The following ITFG1 variants were observed in gnomAD, a reference collection of about 807,000 sequenced individuals.
The protein encoded by ITFG1 is T-cell immunomodulatory protein.
Under a neutral mutation model 81.8 loss-of-function variants are expected in ITFG1, and 34 were observed. That is an observed-to-expected ratio of 0.42 (90% confidence interval 0.32 to 0.55). The LOEUF (loss-of-function observed/expected upper bound fraction) is 0.55. Ranked by LOEUF, ITFG1 falls within the 20% of genes least tolerant of loss-of-function variation. ITFG1 has a pLI of 0.17. For missense variants in ITFG1, 672 were observed against 755.4 expected (o/e 0.89, Z 1.29); for synonymous variants, 285 against 270.6 (o/e 1.05, Z -0.52).
At chr16:47,361,666 G>A (rs1968110839) in intron 8 of ITFG1, among the ~76,000 whole-genome samples, 1 of 152,126 alleles carries the variant, frequency 6.6e-6, no homozygotes, top group South Asian at 2.1e-4. Context: ...GTAGCAGCAA[G>A]TATTTATTGG....
At chr16:47,208,422 C>CAG (rs1253694264) in intron 14 of ITFG1, among the ~76,000 whole-genome samples, 1 of 152,142 alleles carries the variant, frequency 6.6e-6, no homozygotes, top group Admixed American at 6.5e-5. Context: ...TATTTATTCC[C>CAG]AGAGTCTTTA....
intron 12 of ITFG1, among the ~76,000 whole-genome samples, chr16:47,242,895 G>A (rs1045380636): frequency 6.6e-5 from 10 of 152,210 alleles, no homozygotes; most frequent in South Asian, 2.1e-4. Flanking sequence ...TTTGGATGTT[G>A]GTAGCATGTT....
chr16:47,350,121 T>C lies in ITFG1; in HGVS notation c.802+15667A>G, dbSNP rs865921908. 3.3e-4 allele frequency among the ~76,000 whole-genome samples: 50 copies of C among 152,252 alleles called. No homozygotes were observed. In the Middle Eastern group the frequency reaches 0.02, roughly 62 times the overall value. ...CCCACAAGAGAAAGAAGGAAAGATC[T>C]AAAATTGACACCCTAATATCACAAT... On this transcript the variant is annotated intron_variant, in intron 8 of 17. Coordinates refer to ENST00000320640, the MANE Select transcript of ITFG1 (RefSeq NM_030790.5).
intron 10 of ITFG1, among the ~76,000 whole-genome samples, chr16:47,288,395 C>T (rs775132761): frequency 3.3e-5 from 5 of 152,178 alleles, no homozygotes; most frequent in African/African-American, 7.2e-5. Context: ...AACAGAGCTG[C>T]AATAAACATG....
At chr16:47,315,189 T>C (rs899058993) in intron 8 of ITFG1, among the ~76,000 whole-genome samples, 4 of 152,072 alleles carry the variant, frequency 2.6e-5, no homozygotes, top group South Asian at 2.1e-4. Flanking sequence ...AGAGAACATC[T>C]GTAATTTGCA....
At chr16:47,389,613 A>G (rs1413901576) in intron 6 of ITFG1, among the ~76,000 whole-genome samples, 1 of 152,240 alleles carries the variant, frequency 6.6e-6, no homozygotes, top group East Asian at 1.9e-4. Flanking sequence ...ATAACAAAGT[A>G]TGATGGGTTT....
chr16:47,422,687 C>G (rs1968966762), intron 6 of ITFG1, among the ~76,000 whole-genome samples: 1 of 152,142 alleles, frequency 6.6e-6, no homozygotes, highest in South Asian at 2.1e-4. Flanking sequence ...TCGGTCTATT[C>G]AGAGATTCAA....
At chr16:47,162,007 A>G (rs1320334435) in intron 15 of ITFG1, among the ~76,000 whole-genome samples, 175 bp from the exon 16 acceptor site, 2 of 152,272 alleles carry the variant, frequency 1.3e-5, no homozygotes, top group East Asian at 3.9e-4. Context: ...TCTGTTGGAA[A>G]ATTTTCTCAT....
At chr16:47,432,899 T>C (rs1279968234) in intron 5 of ITFG1, among the ~76,000 whole-genome samples, 1 of 152,218 alleles carries the variant, frequency 6.6e-6, no homozygotes, top group Admixed American at 6.5e-5. Context: ...GGTTAAAGAT[T>C]CTCTGACAAG....
In ITFG1 at chr16:47,375,761, G is replaced by A. The variant is rs1357533650; in HGVS notation, c.720+115C>T. The A allele has an allele frequency of 3.1e-5, 23 of 735,942 alleles. No individual in the cohort carries two copies. In the Admixed American group the frequency reaches 4.6e-4, roughly 15 times the overall value. 45.6% of individuals were successfully genotyped at this position (735,942 alleles called of 1,614,324 possible). ...AGCAATGCAACCAAAGGCTCTTAAAGTTTTCTATTTATTGTTGAAATCAAC... is the reference window on the plus strand; with the variant it reads ...AGCAATGCAACCAAAGGCTCTTAAAATTTTCTATTTATTGTTGAAATCAAC... On this transcript the variant is annotated intron_variant, in intron 7 of 17. Coordinates refer to ENST00000320640, the MANE Select transcript of ITFG1 (RefSeq NM_030790.5).
At chr16:47,274,902 A>G (rs1389558211) in intron 10 of ITFG1, among the ~76,000 whole-genome samples, 1 of 152,202 alleles carries the variant, frequency 6.6e-6, no homozygotes, top group Non-Finnish European at 1.5e-5. Context: ...CAGAAAGTCC[A>G]TGATTGTTCC....
chr16:47,185,112 C>T (rs1418183806), intron 14 of ITFG1, among the ~76,000 whole-genome samples: 2 of 151,772 alleles, frequency 1.3e-5, no homozygotes, highest in Non-Finnish European at 2.9e-5. Flanking sequence ...AATACAGGAG[C>T]ACCCAGATTC....
chr16:47,370,182 C>T (rs1455317035), intron 7 of ITFG1, among the ~76,000 whole-genome samples: 1 of 152,078 alleles, frequency 6.6e-6, no homozygotes, highest in East Asian at 1.9e-4. Context: ...AGACAAATTC[C>T]TAGGCAAATA....
intron 13 of ITFG1, among the ~76,000 whole-genome samples, chr16:47,222,287 T>G (rs1596816929): frequency 6.6e-6 from 1 of 151,976 alleles, no homozygotes; most frequent in Non-Finnish European, 1.5e-5. Context: ...GTATGTTGTG[T>G]CTTTGTTCTC....
intron 8 of ITFG1, among the ~76,000 whole-genome samples, chr16:47,345,517 T>C (rs1967841468): frequency 6.6e-6 from 1 of 152,106 alleles, no homozygotes; most frequent in South Asian, 2.1e-4. Context: ...CAGGCTGGTC[T>C]TGAACTCCTG....
intron 6 of ITFG1, among the ~76,000 whole-genome samples, chr16:47,400,656 G>A (rs1325448807): frequency 1.3e-5 from 2 of 152,150 alleles, no homozygotes; most frequent in African/African-American, 4.8e-5. Context: ...GAAAAAAGAG[G>A]TGTCAGTTGA....
chr16:47,162,389 C>G, intron 15 of ITFG1, 151 bp downstream of exon 15: 1 of 635,944 alleles, frequency 1.6e-6, no homozygotes. Context: ...TAGGTCACTA[C>G]CAATAAATTT....
intron 8 of ITFG1, among the ~76,000 whole-genome samples, chr16:47,339,918 C>A (rs923769998): frequency 6.6e-6 from 1 of 151,876 alleles, no homozygotes; most frequent in African/African-American, 2.4e-5. Flanking sequence ...AGACACACAG[C>A]CAAACTATTA....
chr16:47,350,182 A>AAC (rs1264057462), intron 8 of ITFG1, among the ~76,000 whole-genome samples: 1 of 152,206 alleles, frequency 6.6e-6, no homozygotes, highest in African/African-American at 2.4e-5. Context: ...ACACATTCAA[A>AAC]AGCTAGCAGA....
Sources: gnomAD v4.1 joint callset for allele counts (sites outside exome capture counted in the v4.1 genomes callset) on GRCh38, gnomAD v4.1.1 for gene constraint, MANE v1.5 for transcripts, NCBI Gene and HGNC (gene_info 2026-07-23, HGNC 2026-07-21) for gene names.